SHISA6: variants seen among roughly 807,000 people sequenced by gnomAD.
SHISA6 encodes shisa family member 6, also known as protein shisa-6.
A neutral mutation model predicts 47.9 loss-of-function variants in SHISA6; 22 were observed. The ratio of observed to expected loss-of-function variants is 0.46; its 90% CI spans 0.33 to 0.66. The LOEUF (loss-of-function observed/expected upper bound fraction) is 0.66. Ranked by LOEUF, SHISA6 falls within the 30% of genes least tolerant of loss-of-function variation. SHISA6 has a pLI of 0.02. For synonymous variants in SHISA6, 388 were observed against 337.8 expected, an observed-to-expected ratio of 1.15 and a Z score of -1.63; for missense variants, 680 against 764.6, an observed-to-expected ratio of 0.89 and a Z score of 1.30.
chr17:11,392,824 AATGTAGAC>A (rs1913432352), intron 3 of SHISA6, among the ~76,000 whole-genome samples: 1 of 152,230 alleles, frequency 6.6e-6, no homozygotes, highest in Admixed American at 6.5e-5. Flanking sequence ...GAGAGCCACA[AATGTAGAC>A]AAGTGGGCAG....
At chr17:11,499,683 CT>C (rs372464937) in intron 3 of SHISA6, among the ~76,000 whole-genome samples, 25,543 of 127,536 alleles carry the variant, frequency 0.2, 2,043 homozygotes, top group South Asian at 0.3. Context: ...CTTTTTCTTT[CT>C]TTTTTTTTTT....
chr17:11,360,331 G>A (rs1320090744), intron 2 of SHISA6, among the ~76,000 whole-genome samples: 2 of 152,122 alleles, frequency 1.3e-5, no homozygotes, highest in East Asian at 1.9e-4. Flanking sequence ...AGGCTGAGGC[G>A]GGTGGATCAT....
intron 3 of SHISA6, among the ~76,000 whole-genome samples, chr17:11,400,259 A>G (rs1913719390): frequency 6.6e-6 from 1 of 152,180 alleles, no homozygotes. Context: ...AAAGGGAGAA[A>G]CTGACGTTCG....
intron 4 of SHISA6, among the ~76,000 whole-genome samples, chr17:11,553,677 G>C (rs1335445815): frequency 6.6e-6 from 1 of 152,096 alleles, no homozygotes; most frequent in African/African-American, 2.4e-5. Context: ...GCATTAATTG[G>C]ATCCTTATTC....
intron 1 of SHISA6, among the ~76,000 whole-genome samples, chr17:11,260,860 A>G (rs766952719): frequency 3.3e-5 from 5 of 150,506 alleles, no homozygotes; most frequent in African/African-American, 4.9e-5. Flanking sequence ...TCTGTTTGCT[A>G]CTGTCTCACT....
intron 3 of SHISA6, among the ~76,000 whole-genome samples, chr17:11,428,536 C>T (rs1231058347): frequency 2.6e-5 from 4 of 152,302 alleles, no homozygotes; most frequent in East Asian, 1.9e-4. Flanking sequence ...GTGGCTACGG[C>T]GCTAAGCAGA....
At position 11,456,997 on chromosome 17, in the gene SHISA6, A is replaced by G. The variant is rs115445257; in HGVS notation, c.895+77488A>G. Among the ~76,000 whole-genome samples the G allele has an allele frequency of 5.9e-3, 897 of 152,048 alleles. 8 individuals are homozygous for G. Among genetic ancestry groups the G allele is most frequent in the African/African-American group, 0.02 (845 of 41,460 alleles). On this transcript the variant is annotated intron_variant, in intron 3 of 5. Transcript: ENST00000441885. ...TTCTGGCTCTTTGCCACTACCTACAATCTCATCCAGTTCTCTGCTGTGCCG... is the reference window on the plus strand; with the variant it reads ...TTCTGGCTCTTTGCCACTACCTACAGTCTCATCCAGTTCTCTGCTGTGCCG...
intron 2 of SHISA6, among the ~76,000 whole-genome samples, chr17:11,350,172 TTA>T (rs1447912490): frequency 8.4e-5 from 9 of 107,364 alleles, no homozygotes; most frequent in East Asian, 4.8e-4. Flanking sequence ...ATTTATTTAT[TTA>T]TTTATTTATT....
rs541246927 is a variant in SHISA6, at chr17:11,275,406, G to A, written c.799+11880G>A. On this transcript the variant is annotated intron_variant, in intron 2 of 5. Transcript: ENST00000441885. Reference sequence around the variant, plus strand: ...CCTTGAGAGCCAGAGAAGGAGGATGGCAAGATGGGACTCCAGATTCATTGA... The same window carrying A: ...CCTTGAGAGCCAGAGAAGGAGGATGACAAGATGGGACTCCAGATTCATTGA... Among the ~76,000 whole-genome samples the A allele has an allele frequency of 3.9e-3, 600 of 152,218 alleles. 3 individuals are homozygous for A. Among genetic ancestry groups the A allele is most frequent in the Non-Finnish European group, 7.0e-3 (475 of 68,016 alleles).
chr17:11,465,190 C>G (rs1048243798), intron 3 of SHISA6, among the ~76,000 whole-genome samples: 1 of 152,180 alleles, frequency 6.6e-6, no homozygotes, highest in Non-Finnish European at 1.5e-5. Flanking sequence ...CTTTCCTGCT[C>G]CCCTCGGTGC....
chr17:11,378,053 C>T (rs770567628), intron 2 of SHISA6, among the ~76,000 whole-genome samples: 6 of 152,322 alleles, frequency 3.9e-5, no homozygotes, highest in Non-Finnish European at 8.8e-5. Flanking sequence ...CTCTCCTCCT[C>T]GTCCCCCAAC....
At chr17:11,285,334 T>G (rs1030471506) in intron 2 of SHISA6, among the ~76,000 whole-genome samples, 7 of 152,072 alleles carry the variant, frequency 4.6e-5, no homozygotes, top group African/African-American at 1.7e-4. Flanking sequence ...TTTGCAGGAG[T>G]TGCTGCCGTT....
At chr17:11,442,360 A>G (rs944327037) in intron 3 of SHISA6, among the ~76,000 whole-genome samples, 6 of 151,680 alleles carry the variant, frequency 4.0e-5, no homozygotes, top group Admixed American at 2.6e-4. Context: ...CCTCTCCCTC[A>G]CATCCCTCAC....
At chr17:11,404,812 G>A (rs1047742044) in intron 3 of SHISA6, among the ~76,000 whole-genome samples, 9 of 152,164 alleles carry the variant, frequency 5.9e-5, no homozygotes, top group Non-Finnish European at 1.0e-4. Context: ...CCTCGCCTTT[G>A]GGCTCATATA....
At chr17:11,405,001 T>A (rs1325270425) in intron 3 of SHISA6, among the ~76,000 whole-genome samples, 1 of 152,170 alleles carries the variant, frequency 6.6e-6, no homozygotes, top group Non-Finnish European at 1.5e-5. Flanking sequence ...TCCCTTCATC[T>A]TGGGCCCTCT....
chr17:11,311,292 A>AC, intron 2 of SHISA6, among the ~76,000 whole-genome samples: 1 of 143,638 alleles, frequency 7.0e-6, no homozygotes, highest in East Asian at 2.1e-4. Context: ...AAAAAAAAAA[A>AC]AAAAAAAACC....
intron 3 of SHISA6, among the ~76,000 whole-genome samples, chr17:11,543,167 T>C (rs2071848001): frequency 6.6e-6 from 1 of 152,244 alleles, no homozygotes. Flanking sequence ...AGACATATTT[T>C]TCTTGTGTCT....
At chr17:11,252,239 G>A (rs1274874256) in intron 1 of SHISA6, among the ~76,000 whole-genome samples, 1 of 152,136 alleles carries the variant, frequency 6.6e-6, no homozygotes. Context: ...GAGAAGAGTC[G>A]CTGCTTTCTG....
chr17:11,451,200 C>G (rs939941427), intron 3 of SHISA6, among the ~76,000 whole-genome samples: 1 of 152,026 alleles, frequency 6.6e-6, no homozygotes, highest in Non-Finnish European at 1.5e-5. Flanking sequence ...GCCCCTGCTC[C>G]CATCTTTTCC....
Sources: gnomAD v4.1 joint callset for allele counts (sites outside exome capture counted in the v4.1 genomes callset) on GRCh38, gnomAD v4.1.1 for gene constraint, MANE v1.5 for transcripts, NCBI Gene and HGNC (gene_info 2026-07-23, HGNC 2026-07-21) for gene names.